The following PTPRD variants were observed in gnomAD, a reference collection of about 807,000 sequenced individuals.
PTPRD encodes the protein receptor-type tyrosine-protein phosphatase delta.
PTPRD carries 34 observed loss-of-function variants against 214.5 expected under a neutral mutation model. The observed-to-expected ratio is 0.16, with a 90% CI of 0.12 to 0.21. The LOEUF (loss-of-function observed/expected upper bound fraction) is 0.21. Among genes scored for constraint, PTPRD ranks in the 10% least tolerant of loss-of-function variants. The pLI, the probability that PTPRD is intolerant of heterozygous loss-of-function variation, is 1.00. For missense variants in PTPRD, 2,545 were observed against 2,398.7 expected (o/e 1.06, Z -1.27); for synonymous variants, 1,128 against 845.7 (o/e 1.33, Z -5.79).
chr9:8,708,733 A>G lies in PTPRD; in HGVS notation c.64+25047T>C, dbSNP rs142800618. ...AGCTACCATGTGATCCAGCAATCCC[A>G]CTACTAGGTCTATATATTCAAAGGA... On this transcript the variant is annotated intron_variant, in intron 12 of 45. Coordinates refer to ENST00000381196, the MANE Select transcript of PTPRD (RefSeq NM_002839.4). 1.4e-4 allele frequency among the ~76,000 whole-genome samples: 20 copies of G among 147,762 alleles called. No individual in the cohort carries two copies. The East Asian group carries it at 3.9e-3, about 29-fold the overall frequency.
At chr9:8,697,123 A>G (rs1739332343) in intron 12 of PTPRD, among the ~76,000 whole-genome samples, 1 of 152,218 alleles carries the variant, frequency 6.6e-6, no homozygotes, top group South Asian at 2.1e-4. Flanking sequence ...CATAAGAGTC[A>G]GAAAATCACG....
In PTPRD at chr9:8,339,585, G is replaced by GAGTA. The variant is rs35697305; in HGVS notation, c.5254-542_5254-539dup. ...CCCTGCAGAGTCATTGGCCAAATCA[G>GAGTA]AGTAAGTCAGTTACTTTCCTCGTCT... On this transcript the variant is annotated intron_variant, in intron 42 of 45. Coordinates refer to ENST00000381196, the MANE Select transcript of PTPRD (RefSeq NM_002839.4). 5.2e-3 allele frequency among the ~76,000 whole-genome samples: 786 copies of GAGTA among 152,218 alleles called. 6 individuals carry two copies. Among genetic ancestry groups the GAGTA allele is most frequent in the Non-Finnish European group, 8.3e-3 (562 of 68,004 alleles).
intron 3 of PTPRD, among the ~76,000 whole-genome samples, chr9:10,229,966 C>A (rs948761002): frequency 6.6e-6 from 1 of 151,910 alleles, no homozygotes; most frequent in Non-Finnish European, 1.5e-5. Flanking sequence ...AATTAATACA[C>A]TCGTATATAT....
At position 10,160,991 on chromosome 9, in the gene PTPRD, G is replaced by A. The variant is rs543461717; in HGVS notation, c.-544-127201C>T. Reference sequence around the variant, plus strand: ...GCAGTAGCTACAAAGAATATAAAATGCCTAGAAATCAATTTAACCAAAGAT... The same window carrying A: ...GCAGTAGCTACAAAGAATATAAAATACCTAGAAATCAATTTAACCAAAGAT... On this transcript the variant is annotated intron_variant, in intron 3 of 45. Coordinates refer to ENST00000381196, the MANE Select transcript of PTPRD (RefSeq NM_002839.4). 2.0e-5 allele frequency among the ~76,000 whole-genome samples: 3 copies of A among 151,722 alleles called. No homozygotes were observed. In the East Asian group the frequency reaches 5.8e-4, roughly 29 times the overall value.
intron 3 of PTPRD, among the ~76,000 whole-genome samples, chr9:10,120,961 C>A (rs1421709459): frequency 6.6e-6 from 1 of 151,942 alleles, no homozygotes; most frequent in African/African-American, 2.4e-5. Context: ...AAATACATTA[C>A]CAGCAGTAAA....
At chr9:9,121,652 G>A (rs191498910) in intron 10 of PTPRD, among the ~76,000 whole-genome samples, 3 of 152,026 alleles carry the variant, frequency 2.0e-5, no homozygotes, top group Non-Finnish European at 2.9e-5. Context: ...AGGATACAAT[G>A]GACTTTGGGG....
rs139073666 is a variant in PTPRD, at chr9:9,997,439, G to T, written c.-472+36279C>A. ...TAGCTGGGATTACAGACAGGCATGT[G>T]CCATGATGCCCAGCTAATTTTGTAT... is the stretch of plus-strand genomic sequence containing the variant. On this transcript the variant is annotated intron_variant, in intron 4 of 45. Transcript: ENST00000381196. 1.4e-3 allele frequency among the ~76,000 whole-genome samples: 210 copies of T among 152,056 alleles called. 1 individual carries two copies. The highest frequency in any genetic ancestry group is 4.8e-3 in the African/African-American group (199 of 41,492).
rs150707545 is a variant in PTPRD, at chr9:8,705,580, C to A, written c.64+28200G>T. Among the ~76,000 whole-genome samples the A allele has an allele frequency of 1.1e-3, 173 of 152,190 alleles. 1 individual carries two copies. Among genetic ancestry groups the A allele is most frequent in the African/African-American group, 3.8e-3 (157 of 41,540 alleles). ...CAACATTTCCTTGTCTCTTAAAATT[C>A]ATAAGAAGCAACAGCAAAGAAGACA... is the stretch of plus-strand genomic sequence containing the variant. On this transcript the variant is annotated intron_variant, in intron 12 of 45. Transcript: ENST00000381196.
intron 2 of PTPRD, among the ~76,000 whole-genome samples, chr9:10,479,662 C>T (rs201737135): frequency 0.044 from 2,293 of 52,594 alleles, 31 homozygotes; most frequent in Non-Finnish European, 0.069. Flanking sequence ...AATAAATAAA[C>T]AAAAATACAA....
At chr9:8,650,680 T>A (rs563970141) in intron 12 of PTPRD, among the ~76,000 whole-genome samples, 1 of 152,320 alleles carries the variant, frequency 6.6e-6, no homozygotes, top group South Asian at 2.1e-4. Flanking sequence ...CCCAGCATTA[T>A]TCACATTTAG....
chr9:8,508,682 T>A (rs563635355), intron 21 of PTPRD, among the ~76,000 whole-genome samples: 9 of 152,168 alleles, frequency 5.9e-5, no homozygotes, highest in Non-Finnish European at 1.0e-4. Context: ...TATTTAAAAA[T>A]ACATATAATA....
chr9:8,497,915 G>C lies in PTPRD; in HGVS notation c.2323-647C>G, dbSNP rs558920361. On this transcript the variant is annotated intron_variant, in intron 25 of 45. Coordinates refer to ENST00000381196, the MANE Select transcript of PTPRD (RefSeq NM_002839.4). ...CTAAGAACCAAAGGAGAACACCAAA[G>C]CACACTGGTCATATTGTTTTCTTTT... is the stretch of plus-strand genomic sequence containing the variant. Among the ~76,000 whole-genome samples, 48 of 152,294 alleles carry C rather than the reference G, an allele frequency of 3.2e-4. No homozygotes were observed. In the South Asian group the frequency reaches 9.7e-3, roughly 31 times the overall value.
intron 11 of PTPRD, among the ~76,000 whole-genome samples, chr9:8,791,283 T>C (rs1158792437): frequency 6.6e-6 from 1 of 152,120 alleles, no homozygotes. Flanking sequence ...TGGAGTGCAG[T>C]GGCGTGATCT....
At chr9:8,417,024 G>T (rs1327169712) in intron 35 of PTPRD, among the ~76,000 whole-genome samples, 6 of 151,922 alleles carry the variant, frequency 3.9e-5, no homozygotes, top group Non-Finnish European at 7.4e-5. Flanking sequence ...TATTATCATG[G>T]AGCATAATTC....
At chr9:10,294,547 T>A (rs765776023) in intron 3 of PTPRD, among the ~76,000 whole-genome samples, 4 of 152,012 alleles carry the variant, frequency 2.6e-5, no homozygotes, top group African/African-American at 9.7e-5. Context: ...AAAAAATGAC[T>A]GATGTATCCA....
chr9:8,795,011 C>G (rs1022001576), intron 11 of PTPRD, among the ~76,000 whole-genome samples: 2 of 152,082 alleles, frequency 1.3e-5, no homozygotes. Flanking sequence ...TTGGCATGCA[C>G]TTACATTTCT....
intron 14 of PTPRD, among the ~76,000 whole-genome samples, chr9:8,555,087 C>T (rs1005750583): frequency 6.6e-6 from 1 of 152,152 alleles, no homozygotes; most frequent in Non-Finnish European, 1.5e-5. Context: ...AATTTACTAA[C>T]TTCCCAGAAT....
intron 5 of PTPRD, among the ~76,000 whole-genome samples, chr9:9,851,383 T>A (rs1477994171): frequency 6.6e-6 from 1 of 152,194 alleles, no homozygotes; most frequent in African/African-American, 2.4e-5. Flanking sequence ...TCTGTTCCAT[T>A]GAGTCAATGG....
At chr9:8,320,715 C>A (rs890517995) in intron 44 of PTPRD, among the ~76,000 whole-genome samples, 2 of 148,720 alleles carry the variant, frequency 1.3e-5, no homozygotes, top group African/African-American at 5.0e-5. Context: ...ACATGATCAG[C>A]AACTAAAACC....
Sources: gnomAD v4.1 joint callset for allele counts (sites outside exome capture counted in the v4.1 genomes callset) on GRCh38, gnomAD v4.1.1 for gene constraint, MANE v1.5 for transcripts, NCBI Gene and HGNC (gene_info 2026-07-23, HGNC 2026-07-21) for gene names.